The following ZC3H18 variants were observed in gnomAD, a reference collection of about 807,000 sequenced individuals.
The protein encoded by ZC3H18 is zinc finger CCCH domain-containing protein 18.
A neutral mutation model predicts 106.1 loss-of-function variants in ZC3H18; 8 were observed. The ratio of observed to expected loss-of-function variants is 0.08; its 90% CI spans 0.04 to 0.14. The LOEUF (loss-of-function observed/expected upper bound fraction) is 0.14. Among genes scored for constraint, ZC3H18 ranks in the 10% least tolerant of loss-of-function variants. The pLI is 1.00. For synonymous variants in ZC3H18, 635 were observed against 522.1 expected, an observed-to-expected ratio of 1.22 and a Z score of -2.95; for missense variants, 1,318 against 1,278.4, an observed-to-expected ratio of 1.03 and a Z score of -0.47.
At chr16:88,598,745 A>G (rs931408619) in intron 5 of ZC3H18, 33 bp downstream of exon 5, 4 of 1,580,126 alleles carry the variant, frequency 2.5e-6, no homozygotes, top group Middle Eastern at 1.7e-4. Flanking sequence ...CCCGACAAGA[A>G]AGATGCTATT....
intron 3 of ZC3H18, among the ~76,000 whole-genome samples, chr16:88,588,945 A>C (rs944863666): frequency 2.0e-5 from 3 of 151,918 alleles, no homozygotes; most frequent in Non-Finnish European, 4.4e-5. Context: ...ATCAGGTGTT[A>C]TCAATAACTC....
chr16:88,631,053 T>G, intron 17 of ZC3H18, 48 bp from the exon 18 acceptor site: 1 of 1,608,322 alleles, frequency 6.2e-7, no homozygotes, highest in Non-Finnish European at 8.5e-7. Flanking sequence ...CCCTTCCACC[T>G]GCAGACGTGG....
At chr16:88,625,300 C>G in intron 13 of ZC3H18, 33 bp downstream of exon 13, 1 of 1,563,314 alleles carries the variant, frequency 6.4e-7, no homozygotes, top group Non-Finnish European at 8.7e-7. Flanking sequence ...TCTGTTTCTC[C>G]CTCCCCGTCG....
chr16:88,627,809 G>A lies in ZC3H18; in HGVS notation c.2269+27G>A. 6.2e-7 allele frequency: 1 copy of A among 1,609,640 alleles called. No individual in the cohort carries two copies. The highest frequency in any genetic ancestry group is 8.5e-7 in the Non-Finnish European group (1 of 1,176,874). On this transcript the variant is annotated intron_variant, in intron 14 of 17. Transcript: ENST00000301011. This position sits in a 1 kb window ranked among gnomAD's most constrained non-coding sequence, Gnocchi z 4.5. ...TACTCAGGAGCCCTGGTACCTTTGGGGAGCAGCTCCCGGGGGAGGAGGGCG... is the reference window on the plus strand; with the variant it reads ...TACTCAGGAGCCCTGGTACCTTTGGAGAGCAGCTCCCGGGGGAGGAGGGCG...
intron 2 of ZC3H18, among the ~76,000 whole-genome samples, chr16:88,584,786 G>C (rs1054598762): frequency 1.3e-5 from 2 of 152,122 alleles, no homozygotes; most frequent in Non-Finnish European, 2.9e-5. Context: ...TTTTGCTTCT[G>C]TGAATGTTGG....
At position 88,570,440 on chromosome 16, in the gene ZC3H18, C is replaced by G. The variant is rs895401539; in HGVS notation, c.-141C>G. 6.6e-6 allele frequency: 1 copy of G among 151,932 alleles called. No individual in the cohort carries two copies. The highest frequency in any genetic ancestry group is 2.4e-5 in the African/African-American group (1 of 41,472). The allele number at this position is 151,932 out of a possible 1,614,324, so 9.4% of individuals were successfully genotyped here. A position where few individuals can be genotyped will look rare whatever the true frequency, so the allele number is the denominator to read the frequency against. ...TGGCCGGCCCCCGCGGGTAGTGGAG[C>G]CCGTTTGTTCCGCCCGTGTCGAGCC... On this transcript the variant is annotated 5_prime_UTR_variant, in exon 1 of 18. Transcript: ENST00000301011.
At chr16:88,580,606 C>G (rs936670683) in intron 2 of ZC3H18, among the ~76,000 whole-genome samples, 1 of 152,160 alleles carries the variant, frequency 6.6e-6, no homozygotes, top group Admixed American at 6.5e-5. Context: ...TCTGCCGTAT[C>G]TCCACCAAGC....
At position 88,610,674 on chromosome 16, in the gene ZC3H18, A is replaced by G. The variant is rs61423398; in HGVS notation, c.1207-594A>G. 2.3e-4 allele frequency among the ~76,000 whole-genome samples: 35 copies of G among 152,362 alleles called. No homozygotes were observed. The East Asian group carries it at 6.4e-3, about 28-fold the overall frequency. On this transcript the variant is annotated intron_variant, in intron 7 of 17. Transcript: ENST00000301011. ...TAACCTTGAATATTAGAGCAAATGA[A>G]TGAGTAAGAGCAGAGGAAAAGTTGG...
intron 16 of ZC3H18, 84 bp downstream of exon 16, chr16:88,628,938 C>CCTG: frequency 7.2e-7 from 1 of 1,382,310 alleles, no homozygotes; most frequent in Admixed American, 1.9e-5. Context: ...CCCCATTGCT[C>CCTG]TTAACAAGTA....
chr16:88,618,555 A>G (rs885159), intron 8 of ZC3H18, among the ~76,000 whole-genome samples: 31,517 of 152,118 alleles, frequency 0.21, 3,968 homozygotes, highest in African/African-American at 0.36. Flanking sequence ...GCAGCCTGGC[A>G]TCTGTGGCGC....
At chr16:88,630,331 C>A (rs1385100200) in intron 16 of ZC3H18, 154 bp from the exon 17 acceptor site, 1 of 601,850 alleles carries the variant, frequency 1.7e-6, no homozygotes, top group Non-Finnish European at 2.9e-6. Flanking sequence ...TCTTCTCCTA[C>A]TTGGCTCTCC....
In ZC3H18 at chr16:88,598,662, G is replaced by C. The variant is rs780215735; in HGVS notation, c.880G>C (p.Glu294Gln). The change falls in exon 5 of 18, where the codon GAG becomes CAG. Residue 294 changes from glutamate (E) to glutamine (Q), a missense_variant. Glu to Gln is a conservative substitution (Grantham distance 29). Coordinates refer to ENST00000301011, the MANE Select transcript of ZC3H18 (RefSeq NM_144604.4). ...TGAAATTTTGCCTCCACCCCCTCCA[G>C]AGCCCCCAACAGAGAGTGCCTGGGA... ...VDEILPPPPP[E>Q]PPTESAWERG... 1 of 1,613,232 alleles carries C rather than the reference G, an allele frequency of 6.2e-7. No homozygotes were observed. The highest frequency in any genetic ancestry group is 8.5e-7 in the Non-Finnish European group (1 of 1,179,644).
chr16:88,620,585 G>T, intron 8 of ZC3H18, among the ~76,000 whole-genome samples: 1 of 102,454 alleles, frequency 9.8e-6, no homozygotes, highest in African/African-American at 3.7e-5. Flanking sequence ...CTCTAAAAAA[G>T]AAAAAAAAAA....
chr16:88,631,482 T>C lies in ZC3H18; in HGVS notation c.*183T>C. 1 of 799,412 alleles carries C rather than the reference T, an allele frequency of 1.3e-6. No individual in the cohort carries two copies. The highest frequency in any genetic ancestry group is 2.3e-5 in the Admixed American group (1 of 42,700). 49.5% of individuals were successfully genotyped at this position (799,412 alleles called of 1,614,324 possible). ...CAACGACGCTGAATCCCAGCCTCCC[T>C]CCCCAGAGCAGAAGTCCCGCAGGAC... On this transcript the variant is annotated 3_prime_UTR_variant, in exon 18 of 18. Coordinates refer to ENST00000301011, the MANE Select transcript of ZC3H18 (RefSeq NM_144604.4).
At chr16:88,628,230 C>A in intron 15 of ZC3H18, 111 bp downstream of exon 15, 1 of 1,244,014 alleles carries the variant, frequency 8.0e-7, no homozygotes, top group Non-Finnish European at 1.1e-6. Flanking sequence ...GCGAGTGGGG[C>A]CTTGCAGGTG....
chr16:88,630,780 G>A (rs1186546796), intron 17 of ZC3H18, among the ~76,000 whole-genome samples, 199 bp downstream of exon 17: 1 of 58,302 alleles, frequency 1.7e-5, no homozygotes, highest in Non-Finnish European at 3.3e-5. Flanking sequence ...ACACACACAC[G>A]CTCCTGCCCT....
rs1422110865 is a variant in ZC3H18 at position 88,628,786 on chromosome 16, A to G, written c.2498A>G (p.Tyr833Cys). ...GCTGATAAAGGAAGCAGGAAGCGCT[A>G]TGAACCATCAGACAAGGACAGGCAG... ...KAADKGSRKR[Y>C]EPSDKDRQSP... The change falls in exon 16 of 18, where the codon TAT becomes TGT. Residue 833 changes from tyrosine to cysteine, a missense_variant. This residue lies in a region of ZC3H18 where 848 missense variants were observed against 821.7 expected (regional missense o/e 1.03). Transcript: ENST00000301011. The G allele has an allele frequency of 9.9e-6, 16 of 1,613,992 alleles. No homozygotes were observed. Among genetic ancestry groups the G allele is most frequent in the South Asian group, 4.4e-5 (4 of 91,096 alleles).
chr16:88,620,305 C>T (rs1304504336), intron 8 of ZC3H18, among the ~76,000 whole-genome samples: 1 of 152,212 alleles, frequency 6.6e-6, no homozygotes, highest in Non-Finnish European at 1.5e-5. Context: ...AATGTGTTTG[C>T]AGGCCAGGCA....
rs1282015931 is a variant in ZC3H18, at chr16:88,577,244, G to T, written c.121G>T (p.Ala41Ser). The T allele has an allele frequency of 6.2e-7, 1 of 1,613,654 alleles. No individual in the cohort carries two copies. The highest frequency in any genetic ancestry group is 2.2e-5 in the East Asian group (1 of 44,878). ...DSGSDQDLDG[A>S]GVRASDLEDE... Reference sequence around the variant, plus strand: ...CGGGTCCGATCAGGATTTGGACGGGGCGGGGGTGAGGGCTTCTGATCTGGA... The same window carrying T: ...CGGGTCCGATCAGGATTTGGACGGGTCGGGGGTGAGGGCTTCTGATCTGGA... Residue 41 changes from alanine to serine, a missense_variant, in exon 2 of 18, where the codon GCG becomes TCG. Transcript: ENST00000301011.
Sources: gnomAD v4.1 joint callset for allele counts (sites outside exome capture counted in the v4.1 genomes callset) on GRCh38, gnomAD v4.1.1 for gene constraint, gnomAD v4.1.1 regional missense constraint, Gnocchi (gnomAD v3.1) non-coding constraint, MANE v1.5 for transcripts, NCBI Gene and HGNC (gene_info 2026-07-23, HGNC 2026-07-21) for gene names.